Variants in LUZP1 observed in about 807,000 individuals in gnomAD.
The protein encoded by LUZP1 is leucine zipper protein 1, also known as filamin mechanobinding actin cross-linking protein.
In LUZP1, 25 loss-of-function variants were observed where a neutral mutation model predicts 71.3. That is an observed-to-expected ratio of 0.35 (90% CI 0.26 to 0.49). The LOEUF (loss-of-function observed/expected upper bound fraction) is 0.49, where lower values mean the gene tolerates loss of function less well. Ranked by LOEUF, LUZP1 falls within the 20% of genes least tolerant of loss-of-function variation. The probability of loss-of-function intolerance (pLI) is 0.99; values close to 1 mark genes in which losing one functional copy is unlikely to be tolerated. For synonymous variants in LUZP1, 481 were observed against 506.4 expected (o/e 0.95, Z 0.67); for missense variants, 1,142 against 1,300.8 (o/e 0.88, Z 1.88).
chr1:23,085,808 T>G (rs997582837), exon 5 of LUZP1: 10 of 152,166 alleles, frequency 6.6e-5, no homozygotes, highest in African/African-American at 2.4e-4. Context: ...AGCCACAGCT[T>G]CTTTATCCAC....
At chr1:23,166,674 A>C (rs1454494430) in intron 2 of LUZP1, among the ~76,000 whole-genome samples, 2 of 144,712 alleles carry the variant, frequency 1.4e-5, no homozygotes, top group East Asian at 4.2e-4. Flanking sequence ...AAAAAAAAAA[A>C]AAAGGGATGC....
chr1:23,141,112 C>T (rs1225952593), intron 2 of LUZP1: 1 of 152,336 alleles, frequency 6.6e-6, no homozygotes, highest in African/African-American at 2.4e-5. Flanking sequence ...TCTACTCTGA[C>T]CAGGCCAGCA....
At chr1:23,142,142 G>A (rs966469881) in intron 2 of LUZP1, among the ~76,000 whole-genome samples, 4 of 151,330 alleles carry the variant, frequency 2.6e-5, no homozygotes, top group East Asian at 2.0e-4. Flanking sequence ...CACCGCATCC[G>A]GCAAAAGCCC....
At chr1:23,167,928 G>C (rs1228555420) in intron 2 of LUZP1, among the ~76,000 whole-genome samples, 6 of 151,856 alleles carry the variant, frequency 4.0e-5, no homozygotes, top group African/African-American at 7.2e-5. Flanking sequence ...CGGGCCCCGC[G>C]CTGCGGAAAG....
chr1:23,108,771 T>C (rs748876471), intron 3 of LUZP1, among the ~76,000 whole-genome samples: 2 of 152,206 alleles, frequency 1.3e-5, no homozygotes, highest in Non-Finnish European at 2.9e-5. Context: ...GCGCCCGACA[T>C]AGAGTAAATA....
intron 3 of LUZP1, among the ~76,000 whole-genome samples, chr1:23,098,323 T>C (rs1214062891): frequency 2.6e-5 from 4 of 152,034 alleles, no homozygotes; most frequent in Non-Finnish European, 5.9e-5. Flanking sequence ...GGAGTAAGGG[T>C]ACCAGGTACC....
intron 1 of LUZP1, among the ~76,000 whole-genome samples, chr1:23,175,563 C>T (rs575569504): frequency 3.3e-5 from 5 of 152,136 alleles, no homozygotes; most frequent in Non-Finnish European, 5.9e-5. Flanking sequence ...ACTTCCTCGA[C>T]GACAGGAATG....
At position 23,131,417 on chromosome 1, in the gene LUZP1, T is replaced by C. The variant is rs184040109; in HGVS notation, c.-225-22290A>G. ...TACTTCCTAGTATATGAAACTTCTC[T>C]TTTTCTCCATCTCAATCTGAAATTA... is the stretch of plus-strand genomic sequence containing the variant. On this transcript the variant is annotated intron_variant, in intron 2 of 4. Transcript: ENST00000302291. Among the ~76,000 whole-genome samples the C allele has an allele frequency of 2.0e-5, 3 of 152,068 alleles. No homozygotes were observed. In the East Asian group the frequency reaches 5.8e-4, roughly 30 times the overall value.
At chr1:23,164,756 G>C (rs932413209) in intron 2 of LUZP1, among the ~76,000 whole-genome samples, 4 of 151,240 alleles carry the variant, frequency 2.6e-5, no homozygotes, top group Non-Finnish European at 5.9e-5. Flanking sequence ...CTTAAAACAA[G>C]TTAGAGATCA....
At chr1:23,142,722 C>T (rs1180131370) in intron 2 of LUZP1, among the ~76,000 whole-genome samples, 19 of 66,758 alleles carry the variant, frequency 2.8e-4, no homozygotes, top group African/African-American at 5.1e-4. Flanking sequence ...CACACACACA[C>T]ACACACACAC....
chr1:23,117,515 G>GC lies in LUZP1; in HGVS notation c.-225-8389_-225-8388insG, dbSNP rs1369282101. 6.8e-4 allele frequency among the ~76,000 whole-genome samples: 49 copies of GC among 72,234 alleles called. 3 individuals are homozygous for GC. Among genetic ancestry groups the GC allele is most frequent in the African/African-American group, 4.0e-3 (45 of 11,242 alleles). The allele number at this position is 72,234 out of a possible 152,430, so 47.4% of individuals were successfully genotyped here. ...CCACAATCAGGAAGCCCTGGGGGGG[G>GC]GGGCGGGGGGGGGGAACACCTTGAG... On this transcript the variant is annotated intron_variant, in intron 2 of 4. Transcript: ENST00000302291.
intron 2 of LUZP1, among the ~76,000 whole-genome samples, chr1:23,120,000 G>A (rs1046399131): frequency 1.5e-4 from 22 of 151,544 alleles, no homozygotes; most frequent in African/African-American, 5.3e-4. Context: ...GGAGTGCGGT[G>A]GAGCAATCGT....
Position 23,093,506 on chromosome 1 carries a change from G to C in LUZP1, c.756C>G (p.Ser252=). 6.2e-7 allele frequency: 1 copy of C among 1,612,802 alleles called. No homozygotes were observed. The highest frequency in any genetic ancestry group is 8.5e-7 in the Non-Finnish European group (1 of 1,179,786). Residue 252 remains serine, a synonymous_variant, in exon 4 of 5, where the codon TCC becomes TCG. Coordinates refer to ENST00000302291, the Ensembl canonical transcript of LUZP1. The surrounding 1 kb of genome is among the most constrained non-coding windows in gnomAD (Gnocchi z 4.2). ...GACCACCCTTCCTTCTTGATTCTTT[G>C]GACGGCAGTGTGGAAGAGATGCCAT... is the stretch of plus-strand genomic sequence containing the variant.
At chr1:23,149,894 G>A (rs1030052006) in intron 2 of LUZP1, among the ~76,000 whole-genome samples, 7 of 148,354 alleles carry the variant, frequency 4.7e-5, no homozygotes, top group Middle Eastern at 3.5e-3. Context: ...CCCGGGAAGC[G>A]GAGGTTGCAG....
intron 2 of LUZP1, among the ~76,000 whole-genome samples, chr1:23,149,511 A>G (rs1644367071): frequency 2.0e-5 from 3 of 152,142 alleles, no homozygotes; most frequent in African/African-American, 7.2e-5. Flanking sequence ...TAAATATTGC[A>G]GCGATATTAA....
intron 1 of LUZP1, among the ~76,000 whole-genome samples, chr1:23,172,017 G>A (rs1057028386): frequency 6.6e-6 from 1 of 152,156 alleles, no homozygotes; most frequent in Non-Finnish European, 1.5e-5. Context: ...TTAGGTCTCT[G>A]CACCTCAGTT....
At chr1:23,167,646 T>C (rs1353103590) in intron 2 of LUZP1, among the ~76,000 whole-genome samples, 1 of 152,220 alleles carries the variant, frequency 6.6e-6, no homozygotes, top group Non-Finnish European at 1.5e-5. Context: ...GTTGACGCGA[T>C]GAAGAAACAG....
intron 2 of LUZP1, among the ~76,000 whole-genome samples, chr1:23,137,036 C>T (rs906781467): frequency 2.6e-5 from 4 of 152,216 alleles, no homozygotes; most frequent in Admixed American, 2.6e-4. Flanking sequence ...GCAATCACTT[C>T]AGTCAACATA....
intron 2 of LUZP1, among the ~76,000 whole-genome samples, chr1:23,161,761 C>T (rs887487141): frequency 1.3e-5 from 2 of 152,114 alleles, no homozygotes; most frequent in Non-Finnish European, 2.9e-5. Context: ...CAGTGGCTCA[C>T]GCCTGTAATC....
Sources: gnomAD v4.1 joint callset for allele counts (sites outside exome capture counted in the v4.1 genomes callset) on GRCh38, gnomAD v4.1.1 for gene constraint, Gnocchi (gnomAD v3.1) non-coding constraint, MANE v1.5 for transcripts, NCBI Gene and HGNC (gene_info 2026-07-23, HGNC 2026-07-21) for gene names.